CATSPERB: variants seen among roughly 807,000 people sequenced by gnomAD.
CATSPERB encodes catsper channel auxiliary subunit beta, also known as cation channel sperm-associated auxiliary subunit beta.
In CATSPERB, 93 loss-of-function variants were observed where a neutral mutation model predicts 128.3. The observed-to-expected ratio is 0.72, with a 90% CI of 0.61 to 0.86. CATSPERB has a LOEUF of 0.86. CATSPERB is among the 40% of genes least tolerant of loss of function. The pLI is 0.00. For synonymous variants in CATSPERB, 381 were observed against 448.8 expected, an observed-to-expected ratio of 0.85 and a Z score of 1.91; for missense variants, 1,153 against 1,329.5, an observed-to-expected ratio of 0.87 and a Z score of 2.06.
intron 14 of CATSPERB, among the ~76,000 whole-genome samples, chr14:91,667,724 T>C (rs1895011438): frequency 6.6e-6 from 1 of 152,080 alleles, no homozygotes; most frequent in Non-Finnish European, 1.5e-5. Context: ...AGTGTTGTTT[T>C]TACACTAACC....
intron 10 of CATSPERB, among the ~76,000 whole-genome samples, chr14:91,686,717 A>G (rs946048325): frequency 1.3e-5 from 2 of 152,208 alleles, no homozygotes; most frequent in Non-Finnish European, 2.9e-5. Flanking sequence ...TTAAAAGTGC[A>G]TAAGTATTTA....
intron 14 of CATSPERB, among the ~76,000 whole-genome samples, chr14:91,665,369 GTAAA>G (rs1281248764): frequency 6.6e-6 from 1 of 152,084 alleles, no homozygotes; most frequent in African/African-American, 2.4e-5. Flanking sequence ...CAGAAAATGA[GTAAA>G]TAAAGTCATA....
intron 12 of CATSPERB, 83 bp from the exon 13 acceptor site, chr14:91,673,099 A>T (rs1566726772): frequency 8.5e-7 from 1 of 1,181,148 alleles, no homozygotes; most frequent in Non-Finnish European, 1.2e-6. Flanking sequence ...CCACTTGTTC[A>T]TAGAAGTAAT....
chr14:91,618,290 T>C (rs1893982290), intron 19 of CATSPERB, among the ~76,000 whole-genome samples: 1 of 152,116 alleles, frequency 6.6e-6, no homozygotes. Flanking sequence ...ATCAGCAAGG[T>C]CTCTATGACC....
intron 22 of CATSPERB, chr14:91,604,479 T>C (rs1377238251): frequency 5.7e-6 from 9 of 1,575,748 alleles, no homozygotes; most frequent in African/African-American, 2.7e-5. Context: ...AAATACCTAG[T>C]GGTCTGCTGT....
chr14:91,665,171 G>A (rs1894962049), intron 14 of CATSPERB, among the ~76,000 whole-genome samples: 1 of 152,046 alleles, frequency 6.6e-6, no homozygotes, highest in Non-Finnish European at 1.5e-5. Context: ...GGGATTACAG[G>A]TGTGAGCCAC....
chr14:91,605,053 G>C, intron 22 of CATSPERB: 2 of 1,202,394 alleles, frequency 1.7e-6, no homozygotes, highest in Non-Finnish European at 2.5e-6. Flanking sequence ...ATGGGACCTT[G>C]TCTTCCTTTT....
At chr14:91,704,971 A>T (rs2139855051) in intron 6 of CATSPERB, among the ~76,000 whole-genome samples, 1 of 152,350 alleles carries the variant, frequency 6.6e-6, no homozygotes, top group Non-Finnish European at 1.5e-5. Flanking sequence ...GCCACATTTG[A>T]AAAATACCAT....
chr14:91,637,688 C>A (rs1237096504), intron 16 of CATSPERB, among the ~76,000 whole-genome samples: 1 of 152,034 alleles, frequency 6.6e-6, no homozygotes, highest in African/African-American at 2.4e-5. Flanking sequence ...TAAGAGCCAG[C>A]GATTATTTTT....
intron 2 of CATSPERB, among the ~76,000 whole-genome samples, chr14:91,725,616 AGTAACAT>A (rs1352511418): frequency 2.6e-5 from 4 of 152,344 alleles, no homozygotes; most frequent in Middle Eastern, 3.4e-3. Context: ...CACTAAAAAA[AGTAACAT>A]GTATCCCTGC....
At chr14:91,669,238 T>C (rs955014872) in intron 14 of CATSPERB, among the ~76,000 whole-genome samples, 7 of 151,866 alleles carry the variant, frequency 4.6e-5, no homozygotes, top group Admixed American at 6.6e-5. Flanking sequence ...TTGGAAGTCA[T>C]TGCAGTACTT....
At chr14:91,688,411 C>T (rs1895412627) in intron 10 of CATSPERB, among the ~76,000 whole-genome samples, 1 of 152,132 alleles carries the variant, frequency 6.6e-6, no homozygotes, top group Non-Finnish European at 1.5e-5. Context: ...CTTGGATATG[C>T]CTACATTTTT....
At position 91,729,439 on chromosome 14, in the gene CATSPERB, T is replaced by A; in HGVS notation, c.41A>T (p.Asn14Ile). 1 of 1,535,542 alleles carries A rather than the reference T, an allele frequency of 6.5e-7. No individual in the cohort carries two copies. Among genetic ancestry groups the A allele is most frequent in the Non-Finnish European group, 9.0e-7 (1 of 1,117,066 alleles). Reference protein sequence around the residue: ...PLIYVSVLLLNIFEFSSGIVY... With the variant: ...PLIYVSVLLLIIFEFSSGIVY... ...TATTCCTGATGAAAATTCAAATATGTTCAAAAGCAAAACTGAAACATATAT... is the reference window on the plus strand; with the variant it reads ...TATTCCTGATGAAAATTCAAATATGATCAAAAGCAAAACTGAAACATATAT... The change falls in exon 2 of 27, where the codon AAC becomes ATC. Residue 14 changes from asparagine to isoleucine, a missense_variant. By Grantham distance (149) the Asn-to-Ile change is moderately radical (BLOSUM62 -3). Transcript: ENST00000256343.
At chr14:91,618,740 A>G (rs760818319) in intron 19 of CATSPERB, among the ~76,000 whole-genome samples, 7 of 152,264 alleles carry the variant, frequency 4.6e-5, no homozygotes, top group Non-Finnish European at 8.8e-5. Context: ...GATTTGAAAT[A>G]CTATGTAGTC....
chr14:91,714,216 T>C (rs2139772296), intron 5 of CATSPERB, among the ~76,000 whole-genome samples: 1 of 148,392 alleles, frequency 6.7e-6, no homozygotes, highest in South Asian at 2.1e-4. Flanking sequence ...GGCAAGGATG[T>C]CCTCTCTTAC....
intron 18 of CATSPERB, among the ~76,000 whole-genome samples, chr14:91,623,177 G>A (rs781060432): frequency 2.6e-5 from 4 of 152,208 alleles, no homozygotes; most frequent in Non-Finnish European, 5.9e-5. Context: ...TTACAGGCAT[G>A]AGCCACCATA....
At chr14:91,638,272 A>G (rs1164204402) in intron 16 of CATSPERB, among the ~76,000 whole-genome samples, 1 of 152,220 alleles carries the variant, frequency 6.6e-6, no homozygotes, top group Non-Finnish European at 1.5e-5. Flanking sequence ...ACATTAAACT[A>G]TTATAAAAAC....
At chr14:91,605,578 G>A (rs1893685299) in intron 22 of CATSPERB, among the ~76,000 whole-genome samples, 1 of 152,144 alleles carries the variant, frequency 6.6e-6, no homozygotes, top group Non-Finnish European at 1.5e-5. Context: ...TGTAGCATTA[G>A]GGCCTGCTGT....
At position 91,610,481 on chromosome 14, in the gene CATSPERB, G is replaced by T. The variant is rs149037988; in HGVS notation, c.2597C>A (p.Pro866Gln). 5.3e-5 allele frequency: 84 copies of T among 1,594,540 alleles called. No individual in the cohort carries two copies. The highest frequency in any genetic ancestry group is 5.5e-5 in the Admixed American group (3 of 54,924). Residue 866 changes from proline to glutamine, a missense_variant and splice_region_variant, in exon 21 of 27, where the codon CCG becomes CAG. Transcript: ENST00000256343. ...ATATACTTAGATTTTTTTTTTTACCGGCAAAGTTTTGATGAGGTTAAAACC... is the reference window on the plus strand; with the variant it reads ...ATATACTTAGATTTTTTTTTTTACCTGCAAAGTTTTGATGAGGTTAAAACC... The part of the protein sequence containing the change: ...SQGFNLIKTL[P>Q]INYRPPSNMG...
Sources: gnomAD v4.1 joint callset for allele counts (sites outside exome capture counted in the v4.1 genomes callset) on GRCh38, gnomAD v4.1.1 for gene constraint, MANE v1.5 for transcripts, NCBI Gene and HGNC (gene_info 2026-07-23, HGNC 2026-07-21) for gene names.